The following RASEF variants were observed in gnomAD, a reference collection of about 807,000 sequenced individuals.
RASEF encodes the protein ras and EF-hand domain-containing protein.
A neutral mutation model predicts 90.1 loss-of-function variants in RASEF; 68 were observed. The ratio of observed to expected loss-of-function variants is 0.75; its 90% confidence interval spans 0.62 to 0.92. The LOEUF (loss-of-function observed/expected upper bound fraction) is 0.92, where lower values mean the gene tolerates loss of function less well. Among genes scored for constraint, RASEF ranks in the 40% least tolerant of loss-of-function variants. RASEF has a pLI of 0.00. For synonymous variants in RASEF, 331 were observed against 345.2 expected (o/e 0.96, Z 0.46); for missense variants, 949 against 937.2 (o/e 1.01, Z -0.16).
the RASEF span, among the ~76,000 whole-genome samples, chr9:83,201,518 T>A: frequency 6.6e-6 from 1 of 152,190 alleles, no homozygotes; most frequent in Admixed American, 6.5e-5. Flanking sequence ...TCAGAATTTT[T>A]AAAAAATATA....
chr9:83,062,137 TA>T (rs1434035646), intron 1 of RASEF, among the ~76,000 whole-genome samples: 1 of 152,150 alleles, frequency 6.6e-6, no homozygotes, highest in Non-Finnish European at 1.5e-5. Context: ...CGCGCGCGCC[TA>T]AACTCGCGCG....
At chr9:83,212,372 T>C in the RASEF span, among the ~76,000 whole-genome samples, 1 of 152,238 alleles carries the variant, frequency 6.6e-6, no homozygotes, top group African/African-American at 2.4e-5. Context: ...CAAGTTGTAT[T>C]TTTAGAACCC....
At chr9:83,124,261 T>C in the RASEF span, among the ~76,000 whole-genome samples, 12 of 152,204 alleles carry the variant, frequency 7.9e-5, no homozygotes, top group African/African-American at 2.9e-4. Flanking sequence ...TGAACATGGG[T>C]GTATGAATAT....
At chr9:83,085,091 C>T in the RASEF span, among the ~76,000 whole-genome samples, 1 of 152,068 alleles carries the variant, frequency 6.6e-6, no homozygotes, top group Non-Finnish European at 1.5e-5. Flanking sequence ...CAAGTAGGTA[C>T]AAGAACATCA....
In RASEF at chr9:82,980,202, T is replaced by G. The variant is rs541544692; in HGVS notation, c.*2475A>C. 4.1e-5 allele frequency: 6 copies of G among 145,160 alleles called. No homozygotes were observed. The highest frequency in any genetic ancestry group is 7.5e-5 in the Non-Finnish European group (5 of 66,358). 9.0% of individuals were successfully genotyped at this position (145,160 alleles called of 1,614,324 possible). A position where few individuals can be genotyped will look rare whatever the true frequency, so the allele number is the denominator to read the frequency against. ...ACAGGGACAAGGTGAATAACTTCCA[T>G]AGTAATATGCAAATGTATCAAGTCT... On this transcript the variant is annotated 3_prime_UTR_variant, in exon 17 of 17. Transcript: ENST00000376447.
Position 83,017,793 on chromosome 9 carries a change from T to A in RASEF, c.670-1893A>T, listed in dbSNP as rs183077657. 1.1e-3 allele frequency among the ~76,000 whole-genome samples: 173 copies of A among 152,304 alleles called. 2 individuals carry two copies. The highest frequency in any genetic ancestry group is 2.3e-3 in the East Asian group (12 of 5,188). ...TCTTCCACATATGAATGCAAAAATA[T>A]TAAGTAAAATTTAGCAAACTGAATT... On this transcript the variant is annotated intron_variant, in intron 3 of 16. Coordinates refer to ENST00000376447, the MANE Select transcript of RASEF (RefSeq NM_152573.4).
At chr9:83,068,127 C>G (rs1314982862), upstream of RASEF, among the ~76,000 whole-genome samples, 1 of 152,216 alleles carries the variant, frequency 6.6e-6, no homozygotes, top group Non-Finnish European at 1.5e-5. Context: ...CTGACTCGGC[C>G]TTCTGAAGTG....
intron 4 of RASEF, 22 bp downstream of exon 4, chr9:83,015,783 A>G (rs1829332193): frequency 6.4e-7 from 1 of 1,560,494 alleles, no homozygotes; most frequent in African/African-American, 1.4e-5. Flanking sequence ...TGTTCCTACA[A>G]GTCCAGCTGC....
chr9:83,022,253 A>T (rs1829457946), intron 3 of RASEF, 83 bp downstream of exon 3: 1 of 995,610 alleles, frequency 1.0e-6, no homozygotes, highest in African/African-American at 1.6e-5. Context: ...CCCCTGCATG[A>T]CACCCAGAAG....
chr9:83,089,293 AATAAG>A, the RASEF span, among the ~76,000 whole-genome samples: 2 of 152,092 alleles, frequency 1.3e-5, no homozygotes, highest in African/African-American at 4.8e-5. Flanking sequence ...GAGTTTTAAA[AATAAG>A]ATAGAAATAA....
intron 1 of RASEF, among the ~76,000 whole-genome samples, chr9:83,027,142 G>C (rs1347238965): frequency 1.3e-5 from 2 of 152,166 alleles, no homozygotes; most frequent in Non-Finnish European, 2.9e-5. Flanking sequence ...CTTTGGGCAA[G>C]GTATGGAAGC....
intron 7 of RASEF, among the ~76,000 whole-genome samples, chr9:83,006,004 T>A (rs1829124079): frequency 6.6e-6 from 1 of 151,992 alleles, no homozygotes; most frequent in Non-Finnish European, 1.5e-5. Flanking sequence ...TGGGTTCAAA[T>A]CCTAACTCTT....
chr9:83,015,757 C>A (rs1181111825), intron 4 of RASEF, 48 bp downstream of exon 4: 1 of 1,336,474 alleles, frequency 7.5e-7, no homozygotes, highest in Admixed American at 1.7e-5. Context: ...GCTTAGATAC[C>A]CTGAGATGCT....
chr9:83,012,158 T>C (rs562908249), intron 5 of RASEF, among the ~76,000 whole-genome samples: 93 of 152,188 alleles, frequency 6.1e-4, no homozygotes, highest in Admixed American at 1.8e-3. Context: ...AGAGCTGATG[T>C]TGGAAGAACA....
At chr9:83,013,605 C>G (rs532851888) in intron 4 of RASEF, among the ~76,000 whole-genome samples, 2 of 152,306 alleles carry the variant, frequency 1.3e-5, no homozygotes, top group Admixed American at 6.5e-5. Flanking sequence ...TTTTGCATAA[C>G]AACCACATCA....
chr9:82,991,078 C>T (rs1308176751), intron 15 of RASEF, among the ~76,000 whole-genome samples: 1 of 152,144 alleles, frequency 6.6e-6, no homozygotes. Flanking sequence ...TCACGTGGCC[C>T]CAGGCAAGCT....
the RASEF span, among the ~76,000 whole-genome samples, chr9:83,131,939 T>C: frequency 1.3e-5 from 2 of 152,014 alleles, no homozygotes; most frequent in African/African-American, 4.8e-5. Flanking sequence ...AAAACAACAT[T>C]CCCAAAGTAT....
chr9:83,022,586 T>C (rs552960671), intron 2 of RASEF, among the ~76,000 whole-genome samples, 160 bp from the exon 3 acceptor site: 28 of 152,334 alleles, frequency 1.8e-4, no homozygotes, highest in African/African-American at 6.7e-4. Flanking sequence ...AAAATGAGAT[T>C]GGCAATTCGA....
intron 16 of RASEF, among the ~76,000 whole-genome samples, chr9:82,984,701 T>A (rs1050990830): frequency 3.9e-5 from 6 of 152,080 alleles, no homozygotes; most frequent in African/African-American, 1.4e-4. Context: ...GATAATAAAT[T>A]TGCATTATTT....
Sources: gnomAD v4.1 joint callset for allele counts (sites outside exome capture counted in the v4.1 genomes callset) on GRCh38, gnomAD v4.1.1 for gene constraint, MANE v1.5 for transcripts, NCBI Gene and HGNC (gene_info 2026-07-23, HGNC 2026-07-21) for gene names.